Variants in FAR2 observed in about 807,000 individuals in gnomAD.
FAR2 encodes epididymis secretory protein Li 81.
A neutral mutation model predicts 56.0 loss-of-function variants in FAR2; 19 were observed. The ratio of observed to expected loss-of-function variants is 0.34; its 90% CI spans 0.24 to 0.50. The LOEUF (loss-of-function observed/expected upper bound fraction) is 0.50. Among genes scored for constraint, FAR2 ranks in the 20% least tolerant of loss-of-function variants. The pLI is 0.98. For synonymous variants in FAR2, 219 were observed against 218.8 expected, an observed-to-expected ratio of 1.00 and a Z score of -0.01; for missense variants, 508 against 642.2, an observed-to-expected ratio of 0.79 and a Z score of 2.26.
chr12:29,321,202 AC>A (rs1459718985), intron 9 of FAR2, among the ~76,000 whole-genome samples: 24 of 152,110 alleles, frequency 1.6e-4, no homozygotes, highest in African/African-American at 5.3e-4. Flanking sequence ...GATCCTATCA[AC>A]TTCTTAAAAT....
At chr12:29,323,951 G>T (rs1165923979) in intron 10 of FAR2, among the ~76,000 whole-genome samples, 1 of 152,166 alleles carries the variant, frequency 6.6e-6, no homozygotes, top group South Asian at 2.1e-4. Flanking sequence ...ATTACTCTGA[G>T]CTAAAGGAGG....
At chr12:29,321,970 G>A in intron 10 of FAR2, 46 bp downstream of exon 10, 1 of 1,561,860 alleles carries the variant, frequency 6.4e-7, no homozygotes, top group Non-Finnish European at 8.7e-7. Context: ...CTACTCACTT[G>A]GAATTTAGAA....
chr12:29,268,563 G>C (rs529116533), intron 1 of FAR2, among the ~76,000 whole-genome samples: 1 of 152,154 alleles, frequency 6.6e-6, no homozygotes, highest in East Asian at 1.9e-4. Context: ...ACCTGTGGTC[G>C]GTGGCCTCCC....
chr12:29,318,537 G>A (rs1949494480), intron 9 of FAR2, among the ~76,000 whole-genome samples: 1 of 152,174 alleles, frequency 6.6e-6, no homozygotes, highest in Non-Finnish European at 1.5e-5. Context: ...GGTTTGTTGT[G>A]TGGTATGTAT....
At chr12:29,184,627 G>A (rs1338981523) in intron 1 of FAR2, among the ~76,000 whole-genome samples, 5 of 151,674 alleles carry the variant, frequency 3.3e-5, no homozygotes, top group Non-Finnish European at 5.9e-5. Flanking sequence ...AGTAGAGACA[G>A]GGTTTCACCA....
intron 10 of FAR2, among the ~76,000 whole-genome samples, chr12:29,326,701 A>C (rs990135491): frequency 1.1e-4 from 16 of 152,350 alleles, no homozygotes; most frequent in Admixed American, 2.0e-4. Flanking sequence ...AAAATTCAAC[A>C]ACACTTCATG....
intron 1 of FAR2, among the ~76,000 whole-genome samples, chr12:29,207,489 C>T (rs1197654865): frequency 6.6e-6 from 1 of 152,128 alleles, no homozygotes; most frequent in Non-Finnish European, 1.5e-5. Context: ...GGTTCTCATC[C>T]CATTTACAAG....
At chr12:29,212,738 C>A (rs1026005739) in intron 1 of FAR2, among the ~76,000 whole-genome samples, 7 of 152,192 alleles carry the variant, frequency 4.6e-5, no homozygotes, top group African/African-American at 1.4e-4. Context: ...ACCTAAACTT[C>A]TTTTTAACTA....
intron 1 of FAR2, among the ~76,000 whole-genome samples, chr12:29,219,700 A>G (rs774135489): frequency 6.6e-6 from 1 of 152,202 alleles, no homozygotes; most frequent in Non-Finnish European, 1.5e-5. Flanking sequence ...TGGCTTGGTT[A>G]CATACATATA....
At chr12:29,200,365 G>A (rs1947391084) in intron 1 of FAR2, among the ~76,000 whole-genome samples, 1 of 152,176 alleles carries the variant, frequency 6.6e-6, no homozygotes, top group South Asian at 2.1e-4. Context: ...AAATCAAGTG[G>A]TGTAGAAACG....
At chr12:29,294,793 A>G (rs978807647) in intron 3 of FAR2, among the ~76,000 whole-genome samples, 31 of 152,152 alleles carry the variant, frequency 2.0e-4, no homozygotes, top group Non-Finnish European at 2.9e-5. Context: ...TGATCCATTT[A>G]TAAAGTATTT....
At chr12:29,318,304 A>G (rs1949489981) in intron 9 of FAR2, among the ~76,000 whole-genome samples, 1 of 152,198 alleles carries the variant, frequency 6.6e-6, no homozygotes, top group East Asian at 1.9e-4. Flanking sequence ...TTATGGGGAA[A>G]ATATTTGTAT....
chr12:29,253,280 G>GCT (rs1948253850), intron 1 of FAR2, among the ~76,000 whole-genome samples: 1 of 80,580 alleles, frequency 1.2e-5, no homozygotes, highest in Admixed American at 1.1e-4. Context: ...TCTATATATC[G>GCT]ATATCTATAT....
intron 1 of FAR2, among the ~76,000 whole-genome samples, chr12:29,210,438 C>T (rs932256378): frequency 1.4e-4 from 21 of 152,072 alleles, no homozygotes; most frequent in African/African-American, 4.6e-4. Context: ...AGGTGCATGT[C>T]GTCAGGAAGA....
At chr12:29,177,175 G>C (rs1949946697) in intron 1 of FAR2, among the ~76,000 whole-genome samples, 1 of 152,214 alleles carries the variant, frequency 6.6e-6, no homozygotes, top group East Asian at 1.9e-4. Context: ...AAATCTTTTA[G>C]AGATGATATT....
At chr12:29,318,315 G>A (rs187621106) in intron 9 of FAR2, among the ~76,000 whole-genome samples, 1 of 152,252 alleles carries the variant, frequency 6.6e-6, no homozygotes, top group East Asian at 1.9e-4. Context: ...ATATTTGTAT[G>A]GGGCTTATTA....
intron 1 of FAR2, among the ~76,000 whole-genome samples, chr12:29,248,799 GGT>G (rs548412766): frequency 6.9e-4 from 105 of 152,260 alleles, no homozygotes; most frequent in African/African-American, 2.5e-3. Flanking sequence ...CCCACCCCCA[GGT>G]GTGTATTCTC....
intron 1 of FAR2, among the ~76,000 whole-genome samples, chr12:29,233,404 G>GCCCTCTAAC (rs573669916): frequency 8.5e-4 from 129 of 152,120 alleles, no homozygotes; most frequent in African/African-American, 3.0e-3. Context: ...TCCTCCTCAA[G>GCCCTCTAAC]CCCTCTAACC....
At chr12:29,210,147 A>G (rs12423013) in intron 1 of FAR2, among the ~76,000 whole-genome samples, 20 of 152,316 alleles carry the variant, frequency 1.3e-4, no homozygotes, top group Admixed American at 1.3e-3. Flanking sequence ...GGTCAATGCT[A>G]CAGAGCTAGG....
Sources: allele counts gnomAD v4.1 joint callset (sites outside exome capture counted in the v4.1 genomes callset), GRCh38; gene constraint gnomAD v4.1.1; transcripts MANE v1.5; gene names NCBI Gene and HGNC (gene_info 2026-07-23, HGNC 2026-07-21).